The following HIVEP3 variants were observed in gnomAD, a reference collection of about 807,000 sequenced individuals.
The protein encoded by HIVEP3 is transcription factor HIVEP3.
Under a neutral mutation model 152.8 loss-of-function variants are expected in HIVEP3, and 49 were observed. The ratio of observed to expected loss-of-function variants is 0.32; its 90% CI spans 0.26 to 0.41. The LOEUF (loss-of-function observed/expected upper bound fraction) is 0.41. HIVEP3 is among the 10% of genes least tolerant of loss of function. The pLI is 1.00. For synonymous variants in HIVEP3, 1,269 were observed against 1,289.0 expected (o/e 0.98, Z 0.33); for missense variants, 2,790 against 3,103.3 (o/e 0.90, Z 2.40).
chr1:41,859,205 A>G (rs892125372), intron 1 of HIVEP3, among the ~76,000 whole-genome samples: 14 of 152,204 alleles, frequency 9.2e-5, no homozygotes, highest in Non-Finnish European at 1.8e-4. Context: ...CCCCTGTGGC[A>G]TGGAAGCTGG....
chr1:41,713,549 C>T (rs1480624805), intron 1 of HIVEP3, among the ~76,000 whole-genome samples: 1 of 152,166 alleles, frequency 6.6e-6, no homozygotes, highest in Non-Finnish European at 1.5e-5. Context: ...CACCAAATAC[C>T]CCAAGGTTCT....
chr1:41,762,148 C>A (rs572005546), intron 1 of HIVEP3, among the ~76,000 whole-genome samples: 1 of 152,276 alleles, frequency 6.6e-6, no homozygotes, highest in African/African-American at 2.4e-5. Context: ...CCATTCTGAG[C>A]CCATAAAAGC....
chr1:41,980,994 G>A (rs1021227374), intron 1 of HIVEP3, among the ~76,000 whole-genome samples: 2 of 152,176 alleles, frequency 1.3e-5, no homozygotes, highest in Non-Finnish European at 2.9e-5. Flanking sequence ...AGTGCAAACC[G>A]TGCCCAGCAG....
intron 2 of HIVEP3, among the ~76,000 whole-genome samples, chr1:41,676,534 A>G (rs951719773): frequency 2.6e-5 from 4 of 152,186 alleles, no homozygotes; most frequent in Admixed American, 2.6e-4. Context: ...CCCTATCTGT[A>G]AGATTTAAGG....
intron 3 of HIVEP3, among the ~76,000 whole-genome samples, chr1:41,593,540 T>C (rs2149117830): frequency 6.6e-6 from 1 of 152,304 alleles, no homozygotes; most frequent in East Asian, 1.9e-4. Flanking sequence ...GAAGGGAGAA[T>C]ACTTGATTAA....
At chr1:41,562,856 C>G (rs72669044) in intron 5 of HIVEP3, among the ~76,000 whole-genome samples, 1 of 152,134 alleles carries the variant, frequency 6.6e-6, no homozygotes, top group East Asian at 1.9e-4. Flanking sequence ...GTGGAGGGAA[C>G]CAAGGTAAGG....
chr1:41,727,345 C>T (rs1408905608), intron 1 of HIVEP3, among the ~76,000 whole-genome samples: 3 of 152,150 alleles, frequency 2.0e-5, no homozygotes, highest in Admixed American at 6.5e-5. Context: ...GGGATGAAGC[C>T]GGGAGGCAGC....
intron 1 of HIVEP3, among the ~76,000 whole-genome samples, chr1:41,945,699 G>A (rs1238023636): frequency 6.6e-6 from 1 of 152,094 alleles, no homozygotes. Flanking sequence ...TTGCTAACTT[G>A]CATGCTAGAA....
At chr1:41,942,719 T>G (rs772672682) in intron 1 of HIVEP3, among the ~76,000 whole-genome samples, 65 of 152,152 alleles carry the variant, frequency 4.3e-4, no homozygotes, top group Admixed American at 5.9e-4. Flanking sequence ...AATTAGGGAC[T>G]AGTTGCATTC....
At chr1:41,751,512 C>A (rs1050166469) in intron 1 of HIVEP3, among the ~76,000 whole-genome samples, 2 of 151,928 alleles carry the variant, frequency 1.3e-5, no homozygotes, top group African/African-American at 2.4e-5. Context: ...CCAAAAACCC[C>A]AGGAGGATGT....
rs371010029 is a variant in HIVEP3 at position 41,580,250 on chromosome 1, A to C, written c.4548T>G (p.Pro1516=). ...CTGTCCCATGGGACAATGCAGGGTGAGGGAGGGGAGGAATTTCCTTTGTGT... is the reference window on the plus strand; with the variant it reads ...CTGTCCCATGGGACAATGCAGGGTGCGGGAGGGGAGGAATTTCCTTTGTGT... ...PSDTKEIPPL[P]HPALSHGTAP... Residue 1516 remains proline (P), a synonymous_variant, in exon 4 of 9, where the codon CCT becomes CCG. Transcript: ENST00000372583. The C allele has an allele frequency of 3.7e-6, 6 of 1,613,588 alleles. No homozygotes were observed. Among genetic ancestry groups the C allele is most frequent in the Non-Finnish European group, 5.1e-6 (6 of 1,179,726 alleles).
chr1:41,998,958 C>T (rs554131242), intron 1 of HIVEP3, among the ~76,000 whole-genome samples: 22 of 120,596 alleles, frequency 1.8e-4, no homozygotes, highest in African/African-American at 4.5e-4. Flanking sequence ...CGCAATGGTG[C>T]GATCTCAGCT....
chr1:41,933,648 G>A (rs1243079762), intron 1 of HIVEP3, among the ~76,000 whole-genome samples: 2 of 152,024 alleles, frequency 1.3e-5, no homozygotes, highest in Non-Finnish European at 2.9e-5. Flanking sequence ...GGTATGTTTA[G>A]ACCATTCACA....
intron 1 of HIVEP3, among the ~76,000 whole-genome samples, chr1:42,019,698 C>G (rs1383648878): frequency 6.6e-6 from 1 of 151,780 alleles, no homozygotes; most frequent in Non-Finnish European, 1.5e-5. Flanking sequence ...AGTTTTATTT[C>G]TTACTTTCCA....
intron 6 of HIVEP3, among the ~76,000 whole-genome samples, chr1:41,519,654 G>T (rs2149049863): frequency 6.6e-6 from 1 of 152,340 alleles, no homozygotes; most frequent in Non-Finnish European, 1.5e-5. Context: ...GGATGGAGGA[G>T]AGAAGAATGG....
chr1:41,977,410 C>T (rs185906434), intron 1 of HIVEP3, among the ~76,000 whole-genome samples: 1 of 152,264 alleles, frequency 6.6e-6, no homozygotes, highest in East Asian at 1.9e-4. Flanking sequence ...CGCTCCCCCA[C>T]TCCCCAGCTG....
intron 6 of HIVEP3, among the ~76,000 whole-genome samples, chr1:41,518,870 C>T (rs1305671435): frequency 1.3e-4 from 18 of 142,638 alleles, no homozygotes; most frequent in African/African-American, 3.4e-4. Flanking sequence ...TAGCTGGTGA[C>T]ACTCATCAGG....
chr1:41,531,073 G>A (rs773451329), intron 5 of HIVEP3, among the ~76,000 whole-genome samples: 15 of 145,796 alleles, frequency 1.0e-4, no homozygotes, highest in Admixed American at 3.4e-4. Flanking sequence ...GGACAGGAGC[G>A]AAGGGAGGAC....
At chr1:41,740,982 T>C (rs1212626758) in intron 1 of HIVEP3, among the ~76,000 whole-genome samples, 1 of 152,072 alleles carries the variant, frequency 6.6e-6, no homozygotes, top group Non-Finnish European at 1.5e-5. Flanking sequence ...TCATCAGACC[T>C]ACCCAGAGAC....
Sources: allele counts gnomAD v4.1 joint callset (sites outside exome capture counted in the v4.1 genomes callset), GRCh38; gene constraint gnomAD v4.1.1; transcripts MANE v1.5; gene names NCBI Gene and HGNC (gene_info 2026-07-23, HGNC 2026-07-21).